TRABD2B: variants seen among roughly 807,000 people sequenced by gnomAD.
TRABD2B encodes TraB domain containing 2B.
A neutral mutation model predicts 40.1 loss-of-function variants in TRABD2B; 14 were observed. That is an observed-to-expected ratio of 0.35 (90% confidence interval 0.23 to 0.55). The LOEUF (loss-of-function observed/expected upper bound fraction) is 0.55, where lower values mean the gene tolerates loss of function less well. TRABD2B is among the 20% of genes least tolerant of loss of function. TRABD2B has a pLI of 0.90. For missense variants in TRABD2B, 541 were observed against 648.6 expected (o/e 0.83, Z 1.80); for synonymous variants, 263 against 277.0 (o/e 0.95, Z 0.50).
At chr1:47,988,307 C>T (rs1557697986) in intron 2 of TRABD2B, among the ~76,000 whole-genome samples, 1 of 152,152 alleles carries the variant, frequency 6.6e-6, no homozygotes, top group Non-Finnish European at 1.5e-5. Flanking sequence ...TTCCATGCTG[C>T]AAACAGGACT....
chr1:47,959,739 C>A (rs551698125), intron 2 of TRABD2B, among the ~76,000 whole-genome samples: 1 of 152,178 alleles, frequency 6.6e-6, no homozygotes, highest in East Asian at 1.9e-4. Context: ...CAACCAAAAA[C>A]AGTCCAGGAC....
At position 47,997,281 on chromosome 1, in the gene TRABD2B, G is replaced by A. The variant is rs1298134856; in HGVS notation, c.-492C>T. The stretch of plus-strand genomic sequence containing the variant: ...CGGCAGGGGTGGGGGGCGGCTCTGG[G>A]GCGACCGGCTGCCCCCGAGCCCGGC... On this transcript the variant is annotated 5_prime_UTR_variant, in exon 1 of 7. Coordinates refer to ENST00000606738, the MANE Select transcript of TRABD2B (RefSeq NM_001194986.2). 1.1e-6 allele frequency: 1 copy of A among 944,584 alleles called. No individual in the cohort carries two copies. The highest frequency in any genetic ancestry group is 1.3e-6 in the Non-Finnish European group (1 of 795,002). The allele number at this position is 944,584 out of a possible 1,614,324, so 58.5% of individuals were successfully genotyped here. A position where few individuals can be genotyped will look rare whatever the true frequency, so the allele number is the denominator to read the frequency against.
chr1:47,903,309 C>T (rs1644628193), intron 2 of TRABD2B, among the ~76,000 whole-genome samples: 1 of 152,142 alleles, frequency 6.6e-6, no homozygotes, highest in Non-Finnish European at 1.5e-5. Flanking sequence ...ACCCCTCTGC[C>T]TAGGGGCTTC....
chr1:47,815,539 G>C (rs1269366847), intron 2 of TRABD2B, among the ~76,000 whole-genome samples: 1 of 152,154 alleles, frequency 6.6e-6, no homozygotes, highest in African/African-American at 2.4e-5. Flanking sequence ...CAGAAACAGG[G>C]GTCCCTGCTG....
intron 2 of TRABD2B, among the ~76,000 whole-genome samples, chr1:47,909,565 G>GAGAAGAAGGAAGA (rs1644728213): frequency 4.7e-5 from 1 of 21,226 alleles, no homozygotes; most frequent in Non-Finnish European, 1.6e-4. Flanking sequence ...GAAGAAGGAG[G>GAGAAGAAGGAAGA]AGGAGGAGGA....
chr1:47,781,996 C>G (rs1416786298), intron 4 of TRABD2B, among the ~76,000 whole-genome samples: 1 of 152,176 alleles, frequency 6.6e-6, no homozygotes, highest in African/African-American at 2.4e-5. Context: ...AATGTGGGAG[C>G]CCTGGGAACC....
At chr1:47,982,754 A>G (rs1194718922) in intron 2 of TRABD2B, among the ~76,000 whole-genome samples, 2 of 152,164 alleles carry the variant, frequency 1.3e-5, no homozygotes, top group Non-Finnish European at 2.9e-5. Flanking sequence ...CTTGTTCTGC[A>G]TTCCCTCTGC....
chr1:47,848,691 G>C (rs1427488084), intron 2 of TRABD2B, among the ~76,000 whole-genome samples: 3 of 152,182 alleles, frequency 2.0e-5, no homozygotes, highest in Non-Finnish European at 4.4e-5. Flanking sequence ...TAACCTGGAA[G>C]GGCAGGGAAA....
chr1:47,951,229 C>T lies in TRABD2B; in HGVS notation c.666+42805G>A, dbSNP rs147002224. 8.1e-3 allele frequency among the ~76,000 whole-genome samples: 1,235 copies of T among 152,286 alleles called. 11 individuals carry two copies. The highest frequency in any genetic ancestry group is 0.013 in the Non-Finnish European group (910 of 68,026). ...GGGCAGGCAGGGGCGAGTCATCGGG[C>T]ACATGGAGAAAGGAGGGCATTGTCT... On this transcript the variant is annotated intron_variant, in intron 2 of 6. Coordinates refer to ENST00000606738, the MANE Select transcript of TRABD2B (RefSeq NM_001194986.2).
At chr1:47,856,484 T>G (rs1345309649) in intron 2 of TRABD2B, among the ~76,000 whole-genome samples, 1 of 152,222 alleles carries the variant, frequency 6.6e-6, no homozygotes, top group Non-Finnish European at 1.5e-5. Context: ...TAGAATACCA[T>G]CTCCCTCAAC....
chr1:47,782,313 G>A (rs551176723), intron 4 of TRABD2B, among the ~76,000 whole-genome samples: 3 of 152,180 alleles, frequency 2.0e-5, no homozygotes, highest in South Asian at 2.1e-4. Flanking sequence ...CCTCCTAAAC[G>A]TGCTTGACTC....
chr1:47,800,741 T>TCTCAGGAGGTGACATATGA (rs1553152400), intron 3 of TRABD2B, among the ~76,000 whole-genome samples: 2 of 152,164 alleles, frequency 1.3e-5, no homozygotes, highest in Non-Finnish European at 2.9e-5. Flanking sequence ...CAGGAAGGTT[T>TCTCAGGAGGTGACATATGA]CTCAGGAGGT....
At chr1:47,939,885 T>G (rs2148358954) in intron 2 of TRABD2B, among the ~76,000 whole-genome samples, 1 of 152,320 alleles carries the variant, frequency 6.6e-6, no homozygotes, top group Non-Finnish European at 1.5e-5. Context: ...TTCCTGCCTC[T>G]AGCCTCTCCT....
chr1:47,987,991 G>T (rs1287931248), intron 2 of TRABD2B, among the ~76,000 whole-genome samples: 1 of 152,156 alleles, frequency 6.6e-6, no homozygotes, highest in Non-Finnish European at 1.5e-5. Flanking sequence ...GCTTCGGCAC[G>T]GTCTGAGGTC....
intron 2 of TRABD2B, among the ~76,000 whole-genome samples, chr1:47,924,143 C>A (rs527849054): frequency 6.6e-6 from 1 of 152,162 alleles, no homozygotes; most frequent in Non-Finnish European, 1.5e-5. Flanking sequence ...CCACGGAATA[C>A]GTGGGTGGCC....
intron 2 of TRABD2B, among the ~76,000 whole-genome samples, chr1:47,968,646 T>C (rs1475514706): frequency 6.6e-6 from 1 of 152,108 alleles, no homozygotes; most frequent in Non-Finnish European, 1.5e-5. Flanking sequence ...GCTCCAGCAA[T>C]GGTTAGGGTT....
At chr1:47,995,865 C>T (rs1646083306) in intron 1 of TRABD2B, among the ~76,000 whole-genome samples, 1 of 152,224 alleles carries the variant, frequency 6.6e-6, no homozygotes, top group Non-Finnish European at 1.5e-5. Flanking sequence ...GGAGGTGCAC[C>T]TTGCCCAAGG....
At chr1:47,845,808 A>G (rs891977576) in intron 2 of TRABD2B, among the ~76,000 whole-genome samples, 4 of 152,208 alleles carry the variant, frequency 2.6e-5, no homozygotes, top group African/African-American at 9.7e-5. Context: ...GTTACCTCCT[A>G]ATGTGTTTAG....
intron 2 of TRABD2B, among the ~76,000 whole-genome samples, chr1:47,802,497 C>T (rs991192747): frequency 6.6e-6 from 1 of 152,196 alleles, no homozygotes; most frequent in Non-Finnish European, 1.5e-5. Flanking sequence ...TCCCAGACTC[C>T]TTTGTTCAAC....
Sources: gnomAD v4.1 joint callset for allele counts (sites outside exome capture counted in the v4.1 genomes callset) on GRCh38, gnomAD v4.1.1 for gene constraint, MANE v1.5 for transcripts, NCBI Gene and HGNC (gene_info 2026-07-23, HGNC 2026-07-21) for gene names.